The following SPAG16 variants were observed in gnomAD, a reference collection of about 807,000 sequenced individuals.
The protein encoded by SPAG16 is sperm-associated antigen 16 protein.
In SPAG16, 86 loss-of-function variants were observed where a neutral mutation model predicts 80.4. That is an observed-to-expected ratio of 1.07 (90% CI 0.90 to 1.28). The LOEUF is 1.28. SPAG16 is among the 50% of genes most tolerant of loss of function. SPAG16 has a pLI of 0.00. For synonymous variants in SPAG16, 294 were observed against 265.9 expected (o/e 1.11, Z -1.03); for missense variants, 870 against 765.3 (o/e 1.14, Z -1.61).
intron 12 of SPAG16, among the ~76,000 whole-genome samples, chr2:214,012,129 G>C (rs2047309613): frequency 6.6e-6 from 1 of 150,920 alleles, no homozygotes; most frequent in African/African-American, 2.4e-5. Context: ...CCATTGCAGA[G>C]TTTTGCCCAC....
intron 15 of SPAG16, among the ~76,000 whole-genome samples, chr2:214,266,048 A>T (rs1691544704): frequency 6.6e-6 from 1 of 151,942 alleles, no homozygotes; most frequent in Non-Finnish European, 1.5e-5. Context: ...AGGGTCTAAG[A>T]CACTACTTGA....
intron 6 of SPAG16, among the ~76,000 whole-genome samples, chr2:213,343,040 A>G (rs538901816): frequency 2.0e-4 from 30 of 152,234 alleles, no homozygotes; most frequent in Admixed American, 1.4e-3. Flanking sequence ...CATGAAATGT[A>G]GCTTAAGAAA....
At chr2:214,016,699 G>A (rs2047609332) in intron 13 of SPAG16, among the ~76,000 whole-genome samples, 1 of 152,104 alleles carries the variant, frequency 6.6e-6, no homozygotes, top group Non-Finnish European at 1.5e-5. Flanking sequence ...AGATAACAGA[G>A]TTTATTGTGC....
At chr2:214,115,876 C>CAAA (rs34111831) in intron 14 of SPAG16, among the ~76,000 whole-genome samples, 14 of 66,072 alleles carry the variant, frequency 2.1e-4, no homozygotes, top group African/African-American at 4.6e-4. Context: ...GACTCCATCT[C>CAAA]AAAAAAAAAA....
At chr2:213,717,573 G>GT (rs1241548634) in intron 10 of SPAG16, among the ~76,000 whole-genome samples, 1 of 151,314 alleles carries the variant, frequency 6.6e-6, no homozygotes, top group Middle Eastern at 3.2e-3. Context: ...TTTTAAACAA[G>GT]TTTCCAGATG....
chr2:214,390,118 C>T (rs1700985701), intron 15 of SPAG16, among the ~76,000 whole-genome samples: 1 of 152,090 alleles, frequency 6.6e-6, no homozygotes, highest in African/African-American at 2.4e-5. Context: ...CAATTTTTCT[C>T]TCCAAAAATA....
At chr2:213,410,573 G>T (rs771042004) in intron 9 of SPAG16, among the ~76,000 whole-genome samples, 2 of 152,168 alleles carry the variant, frequency 1.3e-5, no homozygotes, top group Non-Finnish European at 2.9e-5. Flanking sequence ...AAACCAACTG[G>T]TTTTTGTAAT....
At chr2:213,787,805 T>C (rs1023270811) in intron 10 of SPAG16, among the ~76,000 whole-genome samples, 2 of 152,022 alleles carry the variant, frequency 1.3e-5, no homozygotes, top group African/African-American at 4.8e-5. Context: ...GGCAATATTA[T>C]ACTATGAAAT....
chr2:213,340,402 C>T, intron 6 of SPAG16, 132 bp downstream of exon 6: 2 of 670,974 alleles, frequency 3.0e-6, no homozygotes, highest in South Asian at 1.9e-5. Context: ...AGTTGCGACC[C>T]TTGCTGTCAA....
At chr2:213,346,631 A>G (rs1345667173) in intron 6 of SPAG16, among the ~76,000 whole-genome samples, 22 of 152,158 alleles carry the variant, frequency 1.4e-4, no homozygotes, top group Non-Finnish European at 2.9e-5. Context: ...TGCTCTAATG[A>G]GATAATCCTA....
At chr2:213,846,911 G>A (rs1392033731) in intron 10 of SPAG16, among the ~76,000 whole-genome samples, 3 of 152,146 alleles carry the variant, frequency 2.0e-5, no homozygotes, top group Non-Finnish European at 4.4e-5. Flanking sequence ...CTTATCTGGA[G>A]GCTATGAGGT....
chr2:214,309,780 A>G (rs1001395124), intron 15 of SPAG16, among the ~76,000 whole-genome samples: 2 of 152,096 alleles, frequency 1.3e-5, no homozygotes, highest in South Asian at 4.1e-4. Flanking sequence ...TGCCGGGGGA[A>G]CCAAAGTGTG....
At chr2:214,165,601 A>C (rs969168961) in intron 15 of SPAG16, among the ~76,000 whole-genome samples, 1 of 144,746 alleles carries the variant, frequency 6.9e-6, no homozygotes, top group African/African-American at 2.5e-5. Context: ...GGCCTAAACT[A>C]TTCTATAATT....
At chr2:214,185,112 C>T (rs940928983) in intron 15 of SPAG16, among the ~76,000 whole-genome samples, 2 of 151,956 alleles carry the variant, frequency 1.3e-5, no homozygotes, top group African/African-American at 4.8e-5. Context: ...AAAAAATAGG[C>T]TTATTTGCAG....
At chr2:213,287,312 G>A (rs1205199251) in intron 1 of SPAG16, among the ~76,000 whole-genome samples, 1 of 152,168 alleles carries the variant, frequency 6.6e-6, no homozygotes, top group Non-Finnish European at 1.5e-5. Context: ...AACACAACTT[G>A]GGTGAGGTTT....
intron 7 of SPAG16, among the ~76,000 whole-genome samples, chr2:213,358,786 A>T (rs1448546115): frequency 6.6e-6 from 1 of 152,098 alleles, no homozygotes; most frequent in Non-Finnish European, 1.5e-5. Flanking sequence ...TTCTCCATCC[A>T]GTTTTGTTCC....
chr2:213,297,540 A>G (rs1024829147), intron 3 of SPAG16, among the ~76,000 whole-genome samples, 183 bp downstream of exon 3: 1 of 152,032 alleles, frequency 6.6e-6, no homozygotes, highest in African/African-American at 2.4e-5. Flanking sequence ...TCTTTTTTGG[A>G]TTGCCATTCT....
At chr2:213,623,258 G>T (rs1304945295) in intron 10 of SPAG16, among the ~76,000 whole-genome samples, 1 of 151,938 alleles carries the variant, frequency 6.6e-6, no homozygotes, top group South Asian at 2.1e-4. Context: ...TTTTTTAAGT[G>T]AAGGAGCTAC....
intron 9 of SPAG16, among the ~76,000 whole-genome samples, chr2:213,408,611 G>A (rs1378984823): frequency 1.3e-5 from 2 of 152,128 alleles, no homozygotes; most frequent in Admixed American, 6.6e-5. Context: ...ACAAAGGTCC[G>A]ACCAGACCCA....
Sources: gnomAD v4.1 joint callset for allele counts (sites outside exome capture counted in the v4.1 genomes callset) on GRCh38, gnomAD v4.1.1 for gene constraint, MANE v1.5 for transcripts, NCBI Gene and HGNC (gene_info 2026-07-23, HGNC 2026-07-21) for gene names.